Variants in TP73 observed in about 807,000 individuals in gnomAD.
TP73 encodes the protein tumor protein p73.
A neutral mutation model predicts 62.5 loss-of-function variants in TP73; 25 were observed. The observed-to-expected ratio is 0.40, with a 90% CI of 0.29 to 0.56. The LOEUF (loss-of-function observed/expected upper bound fraction) is 0.56. Among genes scored for constraint, TP73 ranks in the 20% least tolerant of loss-of-function variants. TP73 has a pLI of 0.46. For missense variants in TP73, 754 were observed against 913.3 expected, an observed-to-expected ratio of 0.83 and a Z score of 2.25; for synonymous variants, 423 against 377.5, an observed-to-expected ratio of 1.12 and a Z score of -1.40.
intron 3 of TP73, chr1:3,690,713 G>A (rs925085489): frequency 1.5e-5 from 21 of 1,430,038 alleles, no homozygotes; most frequent in African/African-American, 5.7e-5. Context: ...TGGGAAAAGC[G>A]AAAATGCCAA....
intron 1 of TP73, among the ~76,000 whole-genome samples, chr1:3,677,406 C>A (rs967536832): frequency 3.3e-5 from 5 of 152,108 alleles, no homozygotes; most frequent in Non-Finnish European, 2.9e-5. Context: ...TTGTCTGAGG[C>A]CTCATGGAAG....
At chr1:3,693,741 C>A (rs1638310301) in intron 3 of TP73, among the ~76,000 whole-genome samples, 1 of 140,384 alleles carries the variant, frequency 7.1e-6, no homozygotes, top group African/African-American at 2.8e-5. Context: ...AGCCCTGCAG[C>A]CTCAGCTCCT....
intron 3 of TP73, among the ~76,000 whole-genome samples, chr1:3,698,652 C>T (rs1286166147): frequency 6.6e-6 from 1 of 152,068 alleles, no homozygotes; most frequent in African/African-American, 2.4e-5. Context: ...GGGCGGTTAG[C>T]AGGTGGAAGG....
At chr1:3,684,549 G>A (rs1645604739) in intron 3 of TP73, among the ~76,000 whole-genome samples, 1 of 152,234 alleles carries the variant, frequency 6.6e-6, no homozygotes, top group Non-Finnish European at 1.5e-5. Context: ...TGGGGCTCCA[G>A]TCAGAACGAA....
intron 10 of TP73, 80 bp downstream of exon 10, chr1:3,729,528 A>C: frequency 6.2e-7 from 1 of 1,602,320 alleles, no homozygotes; most frequent in South Asian, 1.1e-5. Context: ...GGAGGACCAG[A>C]AACCCCTCCA....
chr1:3,673,454 T>C (rs1645290299), intron 1 of TP73, among the ~76,000 whole-genome samples: 1 of 152,244 alleles, frequency 6.6e-6, no homozygotes, highest in Non-Finnish European at 1.5e-5. Context: ...AGAGGAGTGC[T>C]TTCGCTTTTG....
chr1:3,665,478 T>C (rs1317910378), intron 1 of TP73, among the ~76,000 whole-genome samples: 2 of 152,200 alleles, frequency 1.3e-5, no homozygotes, highest in African/African-American at 4.8e-5. Context: ...GTCTGGTCTT[T>C]GAAAGTATTA....
chr1:3,719,089 G>A (rs988813315), intron 4 of TP73, among the ~76,000 whole-genome samples: 4 of 152,144 alleles, frequency 2.6e-5, no homozygotes, highest in Middle Eastern at 3.2e-3. Flanking sequence ...TCCTTTTGCC[G>A]CCCCTGAGAC....
At chr1:3,665,834 T>TG (rs1261860248) in intron 1 of TP73, among the ~76,000 whole-genome samples, 1 of 147,592 alleles carries the variant, frequency 6.8e-6, no homozygotes, top group Non-Finnish European at 1.5e-5. Flanking sequence ...TTTTTTTTTT[T>TG]TTTTTTAAGA....
At chr1:3,712,621 T>C (rs1351403250) in intron 4 of TP73, among the ~76,000 whole-genome samples, 1 of 152,152 alleles carries the variant, frequency 6.6e-6, no homozygotes, top group Non-Finnish European at 1.5e-5. Flanking sequence ...AGAGGCATGA[T>C]CCAATTTACG....
At chr1:3,727,368 C>T (rs1390391191) in intron 7 of TP73, 144 bp downstream of exon 7, 3 of 982,344 alleles carry the variant, frequency 3.1e-6, no homozygotes, top group Non-Finnish European at 1.5e-6. Flanking sequence ...AAGGAACCGC[C>T]CCCTGGCCTG....
chr1:3,684,384 C>G (rs1557507539), intron 3 of TP73, among the ~76,000 whole-genome samples: 1 of 152,188 alleles, frequency 6.6e-6, no homozygotes, highest in Non-Finnish European at 1.5e-5. Flanking sequence ...TGCTGGGCCT[C>G]TGGGGGCCTG....
intron 1 of TP73, among the ~76,000 whole-genome samples, chr1:3,671,660 C>T (rs539765704): frequency 2.2e-4 from 34 of 152,362 alleles, no homozygotes; most frequent in African/African-American, 6.7e-4. Flanking sequence ...GCTGCTCGCC[C>T]TCTCGGGGCC....
chr1:3,726,360 G>T (rs1232106931), intron 6 of TP73, among the ~76,000 whole-genome samples: 2 of 137,618 alleles, frequency 1.5e-5, no homozygotes, highest in African/African-American at 5.3e-5. Flanking sequence ...GAATGGATGG[G>T]TGGGTGGATA....
intron 12 of TP73, 114 bp downstream of exon 12, chr1:3,731,179 T>C: frequency 7.0e-7 from 1 of 1,430,934 alleles, no homozygotes; most frequent in Non-Finnish European, 9.4e-7. Context: ...CTCGCAACCC[T>C]GGATCAGACA....
intron 3 of TP73, among the ~76,000 whole-genome samples, chr1:3,705,254 T>A (rs1639528700): frequency 1.3e-5 from 2 of 152,232 alleles, no homozygotes; most frequent in Non-Finnish European, 1.5e-5. Context: ...TCCTTCTGTC[T>A]TATGGCCGAG....
chr1:3,731,922 C>T (rs1385658614), intron 13 of TP73, among the ~76,000 whole-genome samples: 2 of 152,176 alleles, frequency 1.3e-5, no homozygotes, highest in Non-Finnish European at 1.5e-5. Context: ...GAGAGGTCAG[C>T]GCCATTTACA....
At chr1:3,679,614 GTCTC>G (rs533876644) in intron 1 of TP73, among the ~76,000 whole-genome samples, 8 of 141,862 alleles carry the variant, frequency 5.6e-5, no homozygotes, top group African/African-American at 1.6e-4. Context: ...TCTCTGTTTT[GTCTC>G]TCTTTGTCCC....
intron 3 of TP73, chr1:3,690,676 T>G: frequency 7.1e-7 from 1 of 1,410,462 alleles, no homozygotes. Context: ...GTTGTTGGAT[T>G]CAGCCAGTTG....
Sources: gnomAD v4.1 joint callset for allele counts (sites outside exome capture counted in the v4.1 genomes callset) on GRCh38, gnomAD v4.1.1 for gene constraint, MANE v1.5 for transcripts, NCBI Gene and HGNC (gene_info 2026-07-23, HGNC 2026-07-21) for gene names.